Variants in CDH8 observed in about 807,000 individuals in gnomAD.
CDH8 encodes cadherin 8, also known as cadherin-8.
A neutral mutation model predicts 68.1 loss-of-function variants in CDH8; 17 were observed. The ratio of observed to expected loss-of-function variants is 0.25; its 90% CI spans 0.17 to 0.37. The LOEUF (loss-of-function observed/expected upper bound fraction) is 0.37, where lower values mean the gene tolerates loss of function less well. Ranked by LOEUF, CDH8 falls within the 10% of genes least tolerant of loss-of-function variation. The pLI is 1.00. For synonymous variants in CDH8, 372 were observed against 365.1 expected (o/e 1.02, Z -0.21); for missense variants, 763 against 999.3 (o/e 0.76, Z 3.19).
chr16:61,866,502 T>C lies in CDH8; in HGVS notation c.548-9264A>G, dbSNP rs541637958. 1.2e-4 allele frequency among the ~76,000 whole-genome samples: 19 copies of C among 152,200 alleles called. 1 individual carries two copies. The South Asian group carries it at 3.9e-3, about 32-fold the overall frequency. On this transcript the variant is annotated intron_variant, in intron 3 of 11. Transcript: ENST00000577390. ...AGCATGATGTAATTGAAAGTACAGA[T>C]ATATAGTGTATACACTATATACATA...
At chr16:61,773,277 A>G (rs1960824073) in intron 8 of CDH8, among the ~76,000 whole-genome samples, 1 of 151,712 alleles carries the variant, frequency 6.6e-6, no homozygotes, top group African/African-American at 2.4e-5. Flanking sequence ...ATCTCACCCT[A>G]CTCCACACTA....
At chr16:61,666,875 G>A (rs1173531474) in intron 10 of CDH8, among the ~76,000 whole-genome samples, 1 of 151,908 alleles carries the variant, frequency 6.6e-6, no homozygotes, top group Non-Finnish European at 1.5e-5. Flanking sequence ...CAGCATATTA[G>A]AAGGATATAT....
intron 10 of CDH8, among the ~76,000 whole-genome samples, chr16:61,677,690 G>C (rs1022112905): frequency 8.6e-5 from 13 of 151,934 alleles, no homozygotes; most frequent in African/African-American, 2.7e-4. Context: ...GCCAGTCCCA[G>C]CTGCAGTCTA....
Position 61,655,709 on chromosome 16 carries a change from C to T in CDH8, c.1667G>A (p.Ser556Asn). The T allele has an allele frequency of 1.2e-6, 2 of 1,613,608 alleles. No individual in the cohort carries two copies. The highest frequency in any genetic ancestry group is 1.7e-6 in the Non-Finnish European group (2 of 1,179,594). Residue 556 changes from serine to asparagine, a missense_variant, in exon 11 of 12, where the codon AGT (serine) becomes AAT (asparagine). By Grantham distance (46) the Ser-to-Asn change is conservative (BLOSUM62 1). This residue lies in a region of CDH8 where 397 missense variants were observed against 436.2 expected (regional missense o/e 0.91). Coordinates refer to ENST00000577390, the MANE Select transcript of CDH8 (RefSeq NM_001796.5). ...GAATCCATTATGCTTTGCCAAAATA[C>T]TGAGGGAATTATCTGAAAAAAGTAA... ...TIKKNEDNSLSILAKHNGFNR... is the reference protein window; with the variant it reads ...TIKKNEDNSLNILAKHNGFNR...
chr16:61,721,247 A>G (rs1196311387), intron 9 of CDH8, among the ~76,000 whole-genome samples: 1 of 150,868 alleles, frequency 6.6e-6, no homozygotes, highest in Non-Finnish European at 1.5e-5. Context: ...CCATTAATTT[A>G]CCATCTCCTT....
chr16:62,017,344 C>A (rs940475627), intron 2 of CDH8, among the ~76,000 whole-genome samples: 33 of 152,064 alleles, frequency 2.2e-4, no homozygotes, highest in African/African-American at 7.0e-4. Flanking sequence ...AAAGGAGGAA[C>A]AATTACATTT....
intron 2 of CDH8, among the ~76,000 whole-genome samples, chr16:62,015,015 A>G (rs1037555628): frequency 6.6e-5 from 10 of 152,004 alleles, no homozygotes; most frequent in Non-Finnish European, 4.4e-5. Context: ...CCCCCCCACC[A>G]CAAACACACA....
intron 2 of CDH8, among the ~76,000 whole-genome samples, chr16:61,954,285 C>G (rs535401158): frequency 4.7e-4 from 72 of 152,200 alleles, no homozygotes; most frequent in African/African-American, 1.7e-3. Context: ...TTACTTGGTT[C>G]TCACCCTCTC....
At chr16:61,995,786 A>C (rs1965797553) in intron 2 of CDH8, among the ~76,000 whole-genome samples, 1 of 152,236 alleles carries the variant, frequency 6.6e-6, no homozygotes, top group South Asian at 2.1e-4. Flanking sequence ...TTTTCTCATT[A>C]CTGTATAATT....
intron 3 of CDH8, among the ~76,000 whole-genome samples, chr16:61,871,160 A>G (rs542856107): frequency 6.6e-6 from 1 of 151,858 alleles, no homozygotes; most frequent in African/African-American, 2.4e-5. Context: ...ACACACACAT[A>G]CACACACACT....
chr16:61,824,254 G>A (rs975666056), intron 5 of CDH8, among the ~76,000 whole-genome samples: 1 of 151,778 alleles, frequency 6.6e-6, no homozygotes, highest in African/African-American at 2.4e-5. Context: ...TGTAGACACA[G>A]GGCTTTTAAA....
Position 62,013,261 on chromosome 16 carries a change from CAAAAAAAAAAAAAA to C in CDH8, c.252+7877_252+7890del, listed in dbSNP as rs1165564723. Among the ~76,000 whole-genome samples the C allele has an allele frequency of 7.0e-3, 45 of 6,406 alleles. 13 individuals carry two copies. In the East Asian group the frequency reaches 0.26, roughly 37 times the overall value. 4.2% of individuals were successfully genotyped at this position (6,406 alleles called of 152,430 possible). ...TGGGCGACAGAGCGAGACTCCGTCT[CAAAAAAAAAAAAAA>C]AAAAAAAAAAAAAAAAAATTAACTA... is the stretch of plus-strand genomic sequence containing the variant. On this transcript the variant is annotated intron_variant, in intron 2 of 11. Transcript: ENST00000577390.
At chr16:61,910,502 T>G (rs1314246071) in intron 2 of CDH8, among the ~76,000 whole-genome samples, 10 of 152,114 alleles carry the variant, frequency 6.6e-5, no homozygotes, top group Admixed American at 6.6e-4. Flanking sequence ...GGATCTAGAA[T>G]AAGAGTCTGA....
At chr16:61,983,916 T>G (rs1416015358) in intron 2 of CDH8, among the ~76,000 whole-genome samples, 1 of 148,452 alleles carries the variant, frequency 6.7e-6, no homozygotes, top group African/African-American at 2.6e-5. Context: ...TTATTTTATT[T>G]TATTTTATTT....
At chr16:61,953,920 TATATATAA>T (rs1399327271) in intron 2 of CDH8, among the ~76,000 whole-genome samples, 2 of 137,658 alleles carry the variant, frequency 1.5e-5, no homozygotes, top group African/African-American at 5.4e-5. Flanking sequence ...TATATATATA[TATATATAA>T]AATACCTTAA....
chr16:61,731,506 C>T (rs118114518), intron 8 of CDH8, among the ~76,000 whole-genome samples: 3,543 of 151,726 alleles, frequency 0.023, 70 homozygotes, highest in Non-Finnish European at 0.035. Context: ...CCTGCCAAAA[C>T]CACTGTATTT....
At chr16:62,005,734 TA>T (rs10552670) in intron 2 of CDH8, among the ~76,000 whole-genome samples, 1,462 of 113,958 alleles carry the variant, frequency 0.013, 12 homozygotes, top group African/African-American at 0.018. Context: ...GACTTCGTCT[TA>T]AAAAAAAAAA....
intron 1 of CDH8, among the ~76,000 whole-genome samples, chr16:62,033,154 C>T (rs1902367659): frequency 1.3e-5 from 2 of 152,120 alleles, no homozygotes; most frequent in Non-Finnish European, 2.9e-5. Flanking sequence ...AAGTGGTCTT[C>T]TCCATCCAGC....
intron 2 of CDH8, among the ~76,000 whole-genome samples, chr16:61,960,809 A>C (rs1965141283): frequency 6.6e-6 from 1 of 152,142 alleles, no homozygotes; most frequent in Non-Finnish European, 1.5e-5. Context: ...CTTTTAAAAA[A>C]ATATATTGCC....
Sources: gnomAD v4.1 joint callset for allele counts (sites outside exome capture counted in the v4.1 genomes callset) on GRCh38, gnomAD v4.1.1 for gene constraint, gnomAD v4.1.1 regional missense constraint, MANE v1.5 for transcripts, NCBI Gene and HGNC (gene_info 2026-07-23, HGNC 2026-07-21) for gene names.